The following RBFOX1 variants were observed in gnomAD, a reference collection of about 807,000 sequenced individuals.
RBFOX1 encodes the protein RNA binding fox-1 homolog 1, also known as RNA binding protein fox-1 homolog 1.
RBFOX1 carries 8 observed loss-of-function variants against 57.7 expected under a neutral mutation model. The ratio of observed to expected loss-of-function variants is 0.14; its 90% CI spans 0.08 to 0.25. RBFOX1 has a LOEUF of 0.25. Ranked by LOEUF, RBFOX1 falls within the 10% of genes least tolerant of loss-of-function variation. RBFOX1 has a pLI of 1.00. For synonymous variants in RBFOX1, 326 were observed against 222.4 expected (o/e 1.47, Z -4.15); for missense variants, 611 against 548.5 (o/e 1.11, Z -1.14).
intron 2 of RBFOX1, among the ~76,000 whole-genome samples, chr16:6,351,352 G>GTGTA (rs1474177476): frequency 1.8e-3 from 166 of 92,422 alleles, no homozygotes; most frequent in African/African-American, 4.0e-3. Flanking sequence ...GTGTGTGTGT[G>GTGTA]TATATATATA....
intron 2 of RBFOX1, among the ~76,000 whole-genome samples, chr16:5,591,988 T>G (rs1320439378): frequency 2.0e-5 from 3 of 152,246 alleles, no homozygotes; most frequent in African/African-American, 7.2e-5. Context: ...GTCTTATAAT[T>G]TCCATGCTTT....
At chr16:7,014,229 G>T (rs1773307432) in intron 3 of RBFOX1, among the ~76,000 whole-genome samples, 1 of 151,980 alleles carries the variant, frequency 6.6e-6, no homozygotes, top group African/African-American at 2.4e-5. Flanking sequence ...GTTTGTTTTT[G>T]AAGTGGAGTC....
At chr16:6,717,280 A>T (rs574249941) in intron 3 of RBFOX1, among the ~76,000 whole-genome samples, 8 of 152,308 alleles carry the variant, frequency 5.3e-5, no homozygotes, top group Admixed American at 5.2e-4. Flanking sequence ...TGAGTGTCAG[A>T]CTTGCATCTA....
At position 7,158,181 on chromosome 16, in the gene RBFOX1, T is replaced by A. The variant is rs1233858823; in HGVS notation, c.27+106083T>A. 2.6e-5 allele frequency among the ~76,000 whole-genome samples: 4 copies of A among 152,038 alleles called. No homozygotes were observed. The East Asian group carries it at 7.7e-4, about 29-fold the overall frequency. The stretch of plus-strand genomic sequence containing the variant: ...GGCCAACATGGTGAAACCCTGTCTC[T>A]ATAAAAATACAAAAATTAGCCGAGC... On this transcript the variant is annotated intron_variant, in intron 4 of 15. Coordinates refer to ENST00000550418, the MANE Select transcript of RBFOX1 (RefSeq NM_018723.4).
intron 4 of RBFOX1, among the ~76,000 whole-genome samples, chr16:7,057,393 C>A (rs745571183): frequency 6.6e-6 from 1 of 152,200 alleles, no homozygotes; most frequent in South Asian, 2.1e-4. Context: ...TGCTCATCTC[C>A]TGTCTTTGTT....
chr16:5,804,880 A>G (rs1306834437), intron 3 of RBFOX1, among the ~76,000 whole-genome samples: 2 of 152,120 alleles, frequency 1.3e-5, no homozygotes, highest in Admixed American at 6.5e-5. Flanking sequence ...GCTCTGATGG[A>G]TATGTGGGGA....
At chr16:6,731,681 G>C (rs574266221) in intron 3 of RBFOX1, among the ~76,000 whole-genome samples, 237 of 152,180 alleles carry the variant, frequency 1.6e-3, no homozygotes, top group African/African-American at 5.4e-3. Context: ...TGAGGCACAC[G>C]TTTTGAAAGT....
chr16:7,194,601 C>G (rs1602550999), intron 4 of RBFOX1, among the ~76,000 whole-genome samples: 1 of 152,260 alleles, frequency 6.6e-6, no homozygotes, highest in Non-Finnish European at 1.5e-5. Flanking sequence ...CTACCCCTTT[C>G]CCAGAAACAC....
At chr16:6,111,410 A>G (rs2096445264) in intron 1 of RBFOX1, among the ~76,000 whole-genome samples, 1 of 152,158 alleles carries the variant, frequency 6.6e-6, no homozygotes, top group Admixed American at 6.5e-5. Flanking sequence ...TTCCTGATAC[A>G]CAGAGTGGGC....
At chr16:6,986,184 TTTTA>T (rs201088154) in intron 3 of RBFOX1, among the ~76,000 whole-genome samples, 23 of 144,218 alleles carry the variant, frequency 1.6e-4, no homozygotes, top group Admixed American at 6.2e-4. Flanking sequence ...CAATTTCTAT[TTTTA>T]TTTATTTATT....
rs57853959 is a variant in RBFOX1 at position 5,582,547 on chromosome 16, CTTTTTTTTTTTTTT to C, written c.259-16343_259-16330del. ...ACCCAGGCATTTTCAAAGCACGTCA[CTTTTTTTTTTTTTT>C]TTTTTTTTTTTAAACGGAGTCTTTG... On this transcript the variant is annotated intron_variant, in intron 2 of 2. Transcript: ENST00000585867. 7.5e-5 allele frequency among the ~76,000 whole-genome samples: 7 copies of C among 92,860 alleles called. No individual in the cohort carries two copies. The South Asian group carries it at 3.2e-3, about 43-fold the overall frequency. The allele number at this position is 92,860 out of a possible 152,430, so 60.9% of individuals were successfully genotyped here. A position where few individuals can be genotyped will look rare whatever the true frequency, so the allele number is the denominator to read the frequency against.
At position 6,765,700 on chromosome 16, in the gene RBFOX1, C is replaced by T. The variant is rs60789805; in HGVS notation, c.-16+111050C>T. On this transcript the variant is annotated intron_variant, in intron 3 of 15. Coordinates refer to ENST00000550418, the MANE Select transcript of RBFOX1 (RefSeq NM_018723.4). Reference sequence around the variant, plus strand: ...GCCTGCTTGCATATATTTATCATAACACAATTCACAATTGCAAAGATACAG... The same window carrying T: ...GCCTGCTTGCATATATTTATCATAATACAATTCACAATTGCAAAGATACAG... Among the ~76,000 whole-genome samples, 673 of 152,284 alleles carry T rather than the reference C, an allele frequency of 4.4e-3. 5 individuals carry two copies. Among genetic ancestry groups the T allele is most frequent in the African/African-American group, 0.016 (655 of 41,560 alleles).
intron 3 of RBFOX1, among the ~76,000 whole-genome samples, chr16:6,876,700 G>C (rs2061913411): frequency 6.6e-6 from 1 of 151,994 alleles, no homozygotes; most frequent in South Asian, 2.1e-4. Flanking sequence ...CAAAGAAGTT[G>C]TTATCTGCCG....
chr16:7,389,080 A>T (rs2097941361), intron 4 of RBFOX1, among the ~76,000 whole-genome samples: 1 of 152,190 alleles, frequency 6.6e-6, no homozygotes, highest in East Asian at 1.9e-4. Flanking sequence ...GTGCAGCACC[A>T]TTCTTTAATA....
intron 1 of RBFOX1, among the ~76,000 whole-genome samples, chr16:5,412,214 C>CTTGG (rs1293536529): frequency 6.6e-6 from 1 of 151,748 alleles, no homozygotes; most frequent in Non-Finnish European, 1.5e-5. Context: ...GCTATGAGAA[C>CTTGG]TTGGGACAGT....
At chr16:5,254,241 G>A (rs1397778196) in intron 1 of RBFOX1, among the ~76,000 whole-genome samples, 6 of 152,152 alleles carry the variant, frequency 3.9e-5, no homozygotes, top group African/African-American at 7.2e-5. Context: ...CTGGCTGGTC[G>A]CTGGGTGCAC....
chr16:5,770,991 G>T (rs1418230187), intron 3 of RBFOX1, among the ~76,000 whole-genome samples: 1 of 152,198 alleles, frequency 6.6e-6, no homozygotes, highest in Admixed American at 6.5e-5. Context: ...TTTGCTGGAG[G>T]TGTGGTCTGC....
rs145296396 is a variant in RBFOX1, at chr16:5,626,203, A to T, written c.318+27242A>T. ...CCTCTTTAATATTTTGTGTCCTCCA[A>T]CTTATCCTCTGGAGGAAGGATGGCT... On this transcript the variant is annotated intron_variant, in intron 3 of 19. Transcript: ENST00000641259. Among the ~76,000 whole-genome samples, 269 of 152,292 alleles carry T rather than the reference A, an allele frequency of 1.8e-3. 1 individual carries two copies. Among genetic ancestry groups the T allele is most frequent in the African/African-American group, 6.3e-3 (263 of 41,562 alleles).
chr16:5,610,927 G>T (rs1165254499), intron 3 of RBFOX1, among the ~76,000 whole-genome samples: 1 of 152,086 alleles, frequency 6.6e-6, no homozygotes, highest in Non-Finnish European at 1.5e-5. Flanking sequence ...GGCTGGCTGA[G>T]CATTTTAACA....
Sources: allele counts gnomAD v4.1 joint callset (sites outside exome capture counted in the v4.1 genomes callset), GRCh38; gene constraint gnomAD v4.1.1; transcripts MANE v1.5; gene names NCBI Gene and HGNC (gene_info 2026-07-23, HGNC 2026-07-21).